SH3BP4: variants seen among roughly 807,000 people sequenced by gnomAD.
The protein encoded by SH3BP4 is SH3 domain binding protein 4.
A neutral mutation model predicts 65.5 loss-of-function variants in SH3BP4; 33 were observed. The observed-to-expected ratio is 0.50, with a 90% CI of 0.38 to 0.67. SH3BP4 has a LOEUF of 0.67. Among genes scored for constraint, SH3BP4 ranks in the 30% least tolerant of loss-of-function variants. The pLI is 0.00. For synonymous variants in SH3BP4, 552 were observed against 545.5 expected, an observed-to-expected ratio of 1.01 and a Z score of -0.17; for missense variants, 1,134 against 1,261.4, an observed-to-expected ratio of 0.90 and a Z score of 1.53.
rs780303642 is a variant in SH3BP4 at position 234,963,400 on chromosome 2, C to T, written c.-207+11230C>T. On this transcript the variant is annotated intron_variant, in intron 1 of 5. Transcript: ENST00000392011. ...AGAAAAGCACCTCAAAAGGGAGTGA[C>T]GTTGGGAAGAGTTCCAGAATCTGTT... Among the ~76,000 whole-genome samples, 2 of 152,172 alleles carry T rather than the reference C, an allele frequency of 1.3e-5. 1 individual carries two copies. The highest frequency in any genetic ancestry group is 4.1e-4 in the South Asian group (2 of 4,832).
intron 1 of SH3BP4, among the ~76,000 whole-genome samples, chr2:234,966,327 C>T (rs913854914): frequency 2.6e-5 from 4 of 152,142 alleles, no homozygotes; most frequent in Admixed American, 1.3e-4. Flanking sequence ...CGAGATTGCG[C>T]CATTGCACTC....
At chr2:234,989,392 T>G (rs1306311467) in intron 1 of SH3BP4, among the ~76,000 whole-genome samples, 1 of 152,214 alleles carries the variant, frequency 6.6e-6, no homozygotes, top group East Asian at 1.9e-4. Flanking sequence ...TGCTTTTCTT[T>G]CCTTCCCTCT....
intron 1 of SH3BP4, among the ~76,000 whole-genome samples, chr2:234,954,567 AG>A: frequency 6.6e-6 from 1 of 152,230 alleles, no homozygotes; most frequent in Admixed American, 6.5e-5. Flanking sequence ...TTCTCTGTGG[AG>A]GGAGGACCTT....
intron 1 of SH3BP4, among the ~76,000 whole-genome samples, chr2:234,954,211 A>C (rs1574768134): frequency 6.6e-6 from 1 of 152,068 alleles, no homozygotes; most frequent in Non-Finnish European, 1.5e-5. Flanking sequence ...GTGATCTTAT[A>C]AAACAATAAA....
rs140401477 is a variant in SH3BP4, at chr2:235,043,091, C to T, written c.2322C>T (p.Asp774=). 254 of 1,613,536 alleles carry T rather than the reference C, an allele frequency of 1.6e-4. 2 individuals carry two copies. In the African/African-American group the frequency reaches 2.9e-3, roughly 18 times the overall value. ...ENISSWRSFA[D]ALGYVNLPLT... is the part of the protein sequence containing the mutation. ...TCAGCAGCTGGCGCTCCTTCGCTGACGCCCTGGGCTACGTGAACCTGCCGC... is the reference window on the plus strand; with the variant it reads ...TCAGCAGCTGGCGCTCCTTCGCTGATGCCCTGGGCTACGTGAACCTGCCGC... The change falls in exon 4 of 6, where the codon GAC becomes GAT. Residue 774 remains aspartate, a synonymous_variant. Coordinates refer to ENST00000392011, the MANE Select transcript of SH3BP4 (RefSeq NM_014521.3).
At chr2:235,019,433 A>ATTTT (rs564639628) in intron 2 of SH3BP4, among the ~76,000 whole-genome samples, 2 of 129,162 alleles carry the variant, frequency 1.5e-5, no homozygotes, top group Admixed American at 8.1e-5. Flanking sequence ...GGAAGGGCGA[A>ATTTT]TTTTTTTTTT....
intron 1 of SH3BP4, among the ~76,000 whole-genome samples, chr2:234,957,040 T>A (rs1203210347): frequency 6.6e-6 from 1 of 152,062 alleles, no homozygotes; most frequent in African/African-American, 2.4e-5. Flanking sequence ...TTCTTTTTTT[T>A]GAGTCTCACT....
intron 1 of SH3BP4, among the ~76,000 whole-genome samples, chr2:234,972,865 G>A (rs913210663): frequency 2.0e-5 from 3 of 152,142 alleles, no homozygotes; most frequent in African/African-American, 4.8e-5. Flanking sequence ...CCTTTTTCCC[G>A]GCTTCACTCT....
intron 4 of SH3BP4, among the ~76,000 whole-genome samples, chr2:235,047,188 G>A (rs1031775141): frequency 2.0e-5 from 3 of 152,202 alleles, no homozygotes; most frequent in Non-Finnish European, 4.4e-5. Context: ...TATGGATATT[G>A]GTGGCCAAAT....
At chr2:234,982,936 G>A (rs1373170857) in intron 1 of SH3BP4, among the ~76,000 whole-genome samples, 1 of 152,244 alleles carries the variant, frequency 6.6e-6, no homozygotes, top group African/African-American at 2.4e-5. Flanking sequence ...AGGCAGTGGG[G>A]CTGTAAATTT....
At position 235,045,883 on chromosome 2, in the gene SH3BP4, T is replaced by A. The variant is rs1574849371; in HGVS notation, c.2478+2636T>A. On this transcript the variant is annotated intron_variant, in intron 4 of 5. Coordinates refer to ENST00000392011, the MANE Select transcript of SH3BP4 (RefSeq NM_014521.3). This position sits in a 1 kb window ranked among gnomAD's most constrained non-coding sequence, Gnocchi z 4.3. The stretch of plus-strand genomic sequence containing the variant: ...CCTTGGGTTGGAAACAGTGTTTAAA[T>A]GATGGGGAAAATGTGAGAGTTTGAG... Among the ~76,000 whole-genome samples, 1 of 152,150 alleles carries A rather than the reference T, an allele frequency of 6.6e-6. No homozygotes were observed. Among genetic ancestry groups the A allele is most frequent in the Admixed American group, 6.5e-5 (1 of 15,276 alleles).
rs1231135377 is a variant in SH3BP4 at position 235,038,366 on chromosome 2, A to AATATATATATAAT, written c.119-2513_119-2512insTAATATATATATA. 5.3e-4 allele frequency among the ~76,000 whole-genome samples: 21 copies of AATATATATATAAT among 39,672 alleles called. 1 individual carries two copies. Among genetic ancestry groups the AATATATATATAAT allele is most frequent in the African/African-American group, 2.3e-3 (20 of 8,572 alleles). 26.0% of individuals were successfully genotyped at this position (39,672 alleles called of 152,430 possible). Reference sequence around the variant, plus strand: ...ATATATATTTTATATATATATATATAATATATATACATATATATATATATA... The same window carrying AATATATATATAAT: ...ATATATATTTTATATATATATATATAATATATATATAATATATATATACATATATATATATATA... On this transcript the variant is annotated intron_variant, in intron 3 of 5. Transcript: ENST00000392011.
At chr2:234,970,203 G>T (rs980000547) in intron 1 of SH3BP4, among the ~76,000 whole-genome samples, 1 of 152,166 alleles carries the variant, frequency 6.6e-6, no homozygotes, top group African/African-American at 2.4e-5. Context: ...TAGCCGTATT[G>T]GTCAGAACTC....
intron 2 of SH3BP4, among the ~76,000 whole-genome samples, chr2:235,025,912 A>G (rs999623187): frequency 6.6e-6 from 1 of 152,154 alleles, no homozygotes; most frequent in East Asian, 1.9e-4. Context: ...AGGTCTGGAG[A>G]TGTTTTGGAA....
intron 1 of SH3BP4, among the ~76,000 whole-genome samples, chr2:234,983,023 CT>C (rs1431601631): frequency 2.6e-5 from 4 of 152,168 alleles, no homozygotes; most frequent in African/African-American, 9.7e-5. Context: ...ATTACAGGTG[CT>C]TGGGAAGCTT....
chr2:234,975,126 C>G (rs1372058026), intron 1 of SH3BP4, among the ~76,000 whole-genome samples: 1 of 152,174 alleles, frequency 6.6e-6, no homozygotes, highest in South Asian at 2.1e-4. Flanking sequence ...TCTGGTGAGA[C>G]AGTTGTTGGA....
intron 3 of SH3BP4, among the ~76,000 whole-genome samples, chr2:235,036,743 T>A (rs10203776): frequency 6.5e-4 from 59 of 91,390 alleles, no homozygotes; most frequent in Non-Finnish European, 8.8e-4. Flanking sequence ...ATATAAAAAA[T>A]AATAATAATA....
intron 2 of SH3BP4, among the ~76,000 whole-genome samples, chr2:235,006,210 C>G (rs1694289011): frequency 6.6e-6 from 1 of 152,242 alleles, no homozygotes; most frequent in African/African-American, 2.4e-5. Context: ...TGGGAGTCAG[C>G]CTTGGTCTCC....
intron 1 of SH3BP4, among the ~76,000 whole-genome samples, chr2:234,988,742 C>T (rs768316005): frequency 2.9e-4 from 44 of 152,180 alleles, no homozygotes; most frequent in Non-Finnish European, 5.3e-4. Flanking sequence ...AACAGGTGAA[C>T]AAAGCCGTTG....
Sources: allele counts gnomAD v4.1 joint callset (sites outside exome capture counted in the v4.1 genomes callset), GRCh38; gene constraint gnomAD v4.1.1; non-coding constraint Gnocchi (gnomAD v3.1); transcripts MANE v1.5; gene names NCBI Gene and HGNC (gene_info 2026-07-23, HGNC 2026-07-21).